NRXN1: variants seen among roughly 807,000 people sequenced by gnomAD.
The protein encoded by NRXN1 is neurexin-1.
In NRXN1, 39 loss-of-function variants were observed where a neutral mutation model predicts 150.9. That is an observed-to-expected ratio of 0.26 (90% CI 0.20 to 0.34). NRXN1 has a LOEUF of 0.34. Ranked by LOEUF, NRXN1 falls within the 10% of genes least tolerant of loss-of-function variation. The probability of loss-of-function intolerance (pLI) is 1.00; values close to 1 mark genes in which losing one functional copy is unlikely to be tolerated. For synonymous variants in NRXN1, 924 were observed against 757.0 expected (o/e 1.22, Z -3.62); for missense variants, 1,815 against 1,949.9 (o/e 0.93, Z 1.30).
In NRXN1 at chr2:50,734,650, G is replaced by A. The variant is rs539815039; in HGVS notation, c.833-111035C>T. On this transcript the variant is annotated intron_variant, in intron 5 of 22. Coordinates refer to ENST00000401669, the MANE Select transcript of NRXN1 (RefSeq NM_001330078.2). ...CTCTGGTAGTCTATATAAAACAAAT[G>A]AGCTGTAGAAAAATGCTTTTTCTGG... is the stretch of plus-strand genomic sequence containing the variant. Among the ~76,000 whole-genome samples, 5 of 151,786 alleles carry A rather than the reference G, an allele frequency of 3.3e-5. No homozygotes were observed. In the South Asian group the frequency reaches 1.0e-3, roughly 32 times the overall value.
At chr2:50,329,615 GTGTATATATATATATATA>G (rs2076650086) in intron 17 of NRXN1, among the ~76,000 whole-genome samples, 4 of 15,802 alleles carry the variant, frequency 2.5e-4, no homozygotes, top group Admixed American at 1.1e-3. Flanking sequence ...GTGTGTGTGT[GTGTATATATATATATATA>G]TATATATATA....
At chr2:50,920,551 C>A (rs1435189367) in intron 5 of NRXN1, among the ~76,000 whole-genome samples, 3 of 151,680 alleles carry the variant, frequency 2.0e-5, no homozygotes, top group African/African-American at 7.3e-5. Context: ...CTTTACTCAG[C>A]CAGTAAGATA....
chr2:50,417,478 A>G (rs950996671), intron 17 of NRXN1, among the ~76,000 whole-genome samples: 4 of 151,946 alleles, frequency 2.6e-5, no homozygotes, highest in African/African-American at 9.7e-5. Context: ...ATGATTTTTG[A>G]CAATGTTAAA....
chr2:50,251,584 C>T (rs952806620), intron 17 of NRXN1, among the ~76,000 whole-genome samples: 26 of 152,112 alleles, frequency 1.7e-4, no homozygotes, highest in African/African-American at 6.3e-4. Flanking sequence ...ATTTCTGGTT[C>T]TAGGTCTTTG....
chr2:50,338,349 A>G (rs2077323740), intron 17 of NRXN1, among the ~76,000 whole-genome samples: 1 of 152,184 alleles, frequency 6.6e-6, no homozygotes, highest in African/African-American at 2.4e-5. Flanking sequence ...CTATGTAGGC[A>G]CAAATGGTCC....
intron 8 of NRXN1, among the ~76,000 whole-genome samples, chr2:50,580,495 T>A (rs931531029): frequency 2.6e-5 from 4 of 152,232 alleles, no homozygotes; most frequent in Non-Finnish European, 5.9e-5. Flanking sequence ...GAGAAGTATA[T>A]CACTATTATT....
chr2:50,237,478 C>A (rs1446035740), intron 17 of NRXN1, among the ~76,000 whole-genome samples: 1 of 151,664 alleles, frequency 6.6e-6, no homozygotes, highest in Non-Finnish European at 1.5e-5. Context: ...TGACAGATAA[C>A]TAATGGATGA....
intron 17 of NRXN1, among the ~76,000 whole-genome samples, chr2:50,428,295 G>C (rs2084666307): frequency 6.6e-6 from 1 of 152,030 alleles, no homozygotes; most frequent in Non-Finnish European, 1.5e-5. Flanking sequence ...CACACCTGTG[G>C]TCTCAGCTAC....
chr2:50,814,561 C>T (rs944194410), intron 5 of NRXN1, among the ~76,000 whole-genome samples: 4 of 152,036 alleles, frequency 2.6e-5, no homozygotes, highest in Admixed American at 6.6e-5. Context: ...GTATATCATA[C>T]CACATGAAAT....
chr2:50,625,131 C>A (rs1680775432), intron 5 of NRXN1, among the ~76,000 whole-genome samples: 1 of 151,872 alleles, frequency 6.6e-6, no homozygotes, highest in Admixed American at 6.6e-5. Context: ...GTTGCATTCT[C>A]CCCTGTAATA....
rs779819227 is a variant in NRXN1 at position 50,620,115 on chromosome 2, C to T, written c.1227G>A (p.Gly409=). ...GYTQEDYTML[G]SDDFFYVGGS... is the part of the protein sequence containing the mutation. ...CTCCAACATAGAAAAAGTCATCAGA[C>T]CCCAGCATGGTATAATCTTCTTGCG... The change falls in exon 8 of 23, where the codon GGG becomes GGA. Residue 409 remains glycine, a synonymous_variant. Coordinates refer to ENST00000401669, the MANE Select transcript of NRXN1 (RefSeq NM_001330078.2). 3.7e-6 allele frequency: 6 copies of T among 1,613,272 alleles called. No homozygotes were observed. The African/African-American group carries it at 5.3e-5, about 14-fold the overall frequency.
In NRXN1 at chr2:50,347,054, C is replaced by G. The variant is rs1381494971; in HGVS notation, c.3365-110084G>C. ...GGCGGCGCGGAGTGGGCTGAGGGGC[C>G]GGCCGCCTCACCGCGCCAGGGCACC... On this transcript the variant is annotated intron_variant, in intron 17 of 22. Coordinates refer to ENST00000401669, the MANE Select transcript of NRXN1 (RefSeq NM_001330078.2). This position sits in a 1 kb window ranked among gnomAD's most constrained non-coding sequence, Gnocchi z 4.9. 2.9e-6 allele frequency: 4 copies of G among 1,377,772 alleles called. No individual in the cohort carries two copies. Among genetic ancestry groups the G allele is most frequent in the South Asian group, 1.2e-5 (1 of 81,552 alleles). 85.3% of individuals were successfully genotyped at this position (1,377,772 alleles called of 1,614,324 possible). A position where few individuals can be genotyped will look rare whatever the true frequency, so the allele number is the denominator to read the frequency against.
At position 50,496,111 on chromosome 2, in the gene NRXN1, A is replaced by G. The variant is rs1172384551; in HGVS notation, c.2880-16T>C. 6.4e-7 allele frequency: 1 copy of G among 1,568,486 alleles called. No individual in the cohort carries two copies. On this transcript the variant is annotated splice_polypyrimidine_tract_variant and intron_variant, in intron 14 of 22. Transcript: ENST00000401669. ...ATGTAAGTACCTGGGAAAAAAATGAAAGAGGGGAAAGTGCCATCACTTTTT... is the reference window on the plus strand; with the variant it reads ...ATGTAAGTACCTGGGAAAAAAATGAGAGAGGGGAAAGTGCCATCACTTTTT...
At chr2:50,199,864 C>G (rs2062037592) in intron 18 of NRXN1, among the ~76,000 whole-genome samples, 1 of 152,092 alleles carries the variant, frequency 6.6e-6, no homozygotes, top group African/African-American at 2.4e-5. Context: ...TGGACAATTT[C>G]ATAAAACAAA....
At chr2:50,703,724 T>C (rs1317267519) in intron 5 of NRXN1, among the ~76,000 whole-genome samples, 2 of 152,168 alleles carry the variant, frequency 1.3e-5, no homozygotes, top group Non-Finnish European at 2.9e-5. Context: ...TATGAATTGA[T>C]GTTTATTGTA....
At chr2:50,237,672 G>A (rs1385877598) in intron 17 of NRXN1, among the ~76,000 whole-genome samples, 4 of 151,850 alleles carry the variant, frequency 2.6e-5, no homozygotes, top group Non-Finnish European at 4.4e-5. Context: ...ATAATGTCAC[G>A]GACTCATTCT....
At chr2:50,272,964 G>C (rs1206279331) in intron 17 of NRXN1, among the ~76,000 whole-genome samples, 1 of 151,924 alleles carries the variant, frequency 6.6e-6, no homozygotes, top group Non-Finnish European at 1.5e-5. Context: ...ATTAAAAACT[G>C]GGCAAGTCTG....
intron 17 of NRXN1, among the ~76,000 whole-genome samples, chr2:50,459,093 A>G (rs1269354927): frequency 6.6e-6 from 1 of 152,110 alleles, no homozygotes; most frequent in African/African-American, 2.4e-5. Context: ...CCACAGCAAC[A>G]AAGTATAGAA....
At chr2:50,182,815 G>C (rs1179163379) in intron 18 of NRXN1, among the ~76,000 whole-genome samples, 2 of 151,912 alleles carry the variant, frequency 1.3e-5, no homozygotes, top group African/African-American at 4.8e-5. Context: ...ATAATTATTG[G>C]GAAGCTTTGA....
Sources: gnomAD v4.1 joint callset for allele counts (sites outside exome capture counted in the v4.1 genomes callset) on GRCh38, gnomAD v4.1.1 for gene constraint, Gnocchi (gnomAD v3.1) non-coding constraint, MANE v1.5 for transcripts, NCBI Gene and HGNC (gene_info 2026-07-23, HGNC 2026-07-21) for gene names.